Variants in PLEKHA1 observed in about 807,000 individuals in gnomAD.
The protein encoded by PLEKHA1 is pleckstrin homology domain containing A1.
In PLEKHA1, 34 loss-of-function variants were observed where a neutral mutation model predicts 52.0. The ratio of observed to expected loss-of-function variants is 0.65; its 90% confidence interval spans 0.50 to 0.87. The LOEUF (loss-of-function observed/expected upper bound fraction) is 0.87. PLEKHA1 is among the 40% of genes least tolerant of loss of function. PLEKHA1 has a pLI of 0.00. For synonymous variants in PLEKHA1, 163 were observed against 170.7 expected, an observed-to-expected ratio of 0.95 and a Z score of 0.35; for missense variants, 497 against 504.2, an observed-to-expected ratio of 0.99 and a Z score of 0.14.
At chr10:122,409,652 T>C (rs995186412) in intron 5 of PLEKHA1, among the ~76,000 whole-genome samples, 1 of 152,230 alleles carries the variant, frequency 6.6e-6, no homozygotes, top group African/African-American at 2.4e-5. Context: ...AAGTTTGATA[T>C]ATTTTTAATA....
intron 5 of PLEKHA1, chr10:122,412,191 C>A (rs1034282906): frequency 1.3e-5 from 2 of 152,124 alleles, no homozygotes; most frequent in Non-Finnish European, 2.9e-5. Flanking sequence ...TCTGCTGTTA[C>A]CACAGTCATT....
At chr10:122,403,578 T>C (rs1414541391) in intron 4 of PLEKHA1, among the ~76,000 whole-genome samples, 1 of 150,314 alleles carries the variant, frequency 6.7e-6, no homozygotes, top group Non-Finnish European at 1.5e-5. Flanking sequence ...TTAGGGTTTT[T>C]ATGGCAACTT....
At chr10:122,418,098 T>A in intron 8 of PLEKHA1, 130 bp downstream of exon 8, 1 of 593,368 alleles carries the variant, frequency 1.7e-6, no homozygotes, top group East Asian at 3.0e-5. Flanking sequence ...AAATATAGTT[T>A]ATTTGGTTGT....
intron 2 of PLEKHA1, among the ~76,000 whole-genome samples, chr10:122,394,356 A>C (rs561507940): frequency 1.3e-5 from 2 of 152,078 alleles, no homozygotes. Flanking sequence ...GATTACAGGC[A>C]TGAGCCACCG....
intron 2 of PLEKHA1, among the ~76,000 whole-genome samples, chr10:122,394,887 C>T (rs1174706887): frequency 3.9e-5 from 6 of 152,116 alleles, no homozygotes; most frequent in Non-Finnish European, 8.8e-5. Flanking sequence ...TCTTGTCATT[C>T]TTCCTTTATC....
chr10:122,418,036 ATAAT>A, intron 8 of PLEKHA1, 68 bp downstream of exon 8: 1 of 1,272,726 alleles, frequency 7.9e-7, no homozygotes, highest in Non-Finnish European at 1.1e-6. Flanking sequence ...GTGATTATAT[ATAAT>A]TTCTTGTACT....
Position 122,431,937 on chromosome 10 carries a change from A to G in PLEKHA1, c.*1999A>G, listed in dbSNP as rs1409672843. 6.6e-6 allele frequency: 1 copy of G among 152,150 alleles called. No individual in the cohort carries two copies. Among genetic ancestry groups the G allele is most frequent in the African/African-American group, 2.4e-5 (1 of 41,436 alleles). The allele number at this position is 152,150 out of a possible 1,614,324, so 9.4% of individuals were successfully genotyped here. On this transcript the variant is annotated 3_prime_UTR_variant, in exon 12 of 12. Transcript: ENST00000368990. Reference sequence around the variant, plus strand: ...GCTGTTTAATTTTGGTACAGCTTCCACATTGCATGTTCACTTTAGTATTTG... The same window carrying G: ...GCTGTTTAATTTTGGTACAGCTTCCGCATTGCATGTTCACTTTAGTATTTG...
intron 4 of PLEKHA1, among the ~76,000 whole-genome samples, chr10:122,401,761 G>GCC (rs2096932597): frequency 1.3e-5 from 2 of 152,186 alleles, no homozygotes; most frequent in African/African-American, 2.4e-5. Flanking sequence ...GTGGACATGA[G>GCC]TGACTGAAGG....
intron 7 of PLEKHA1, chr10:122,417,149 A>G (rs2097188188): frequency 6.6e-6 from 1 of 152,376 alleles, no homozygotes; most frequent in Non-Finnish European, 1.5e-5. Flanking sequence ...AAATATTTGT[A>G]CAAAATAGGT....
intron 2 of PLEKHA1, among the ~76,000 whole-genome samples, chr10:122,397,467 A>G (rs1412014607): frequency 6.6e-6 from 1 of 152,254 alleles, no homozygotes; most frequent in African/African-American, 2.4e-5. Flanking sequence ...TAAACCATTT[A>G]AATGGGGGGA....
At chr10:122,408,851 A>G (rs999667866) in intron 5 of PLEKHA1, among the ~76,000 whole-genome samples, 3 of 152,190 alleles carry the variant, frequency 2.0e-5, no homozygotes, top group Admixed American at 2.0e-4. Flanking sequence ...TAAAATGTAC[A>G]TTTTGATGTA....
intron 1 of PLEKHA1, among the ~76,000 whole-genome samples, chr10:122,377,668 T>C (rs2096556653): frequency 1.3e-5 from 2 of 152,234 alleles, no homozygotes; most frequent in South Asian, 2.1e-4. Flanking sequence ...TTATTTGTTA[T>C]AGCACTAGAA....
chr10:122,397,529 C>G (rs142262758), intron 2 of PLEKHA1, among the ~76,000 whole-genome samples: 2 of 152,076 alleles, frequency 1.3e-5, no homozygotes, highest in African/African-American at 4.8e-5. Flanking sequence ...TTTAATAGAA[C>G]AAAGTAATAT....
chr10:122,415,771 G>A (rs2097166054), intron 6 of PLEKHA1, 88 bp from the exon 7 acceptor site: 3 of 1,272,244 alleles, frequency 2.4e-6, no homozygotes, highest in South Asian at 1.6e-5. Flanking sequence ...AATCTAAGGT[G>A]GATTTTAAGA....
intron 8 of PLEKHA1, chr10:122,423,418 TC>T (rs1395052806): frequency 1.0e-5 from 1 of 99,728 alleles, no homozygotes; most frequent in Non-Finnish European, 1.9e-5. Context: ...AGAGCGAAAC[TC>T]CATCTCAAAA....
Position 122,416,634 on chromosome 10 carries a change from A to G in PLEKHA1, c.612+632A>G, listed in dbSNP as rs574443874. On this transcript the variant is annotated intron_variant, in intron 7 of 11. Coordinates refer to ENST00000368990, the MANE Select transcript of PLEKHA1 (RefSeq NM_001001974.4). Reference sequence around the variant, plus strand: ...CAGGTATTCCCATATAATCAGTTCCATGATGAATTTTTTGCAAGAGCAAGT... The same window carrying G: ...CAGGTATTCCCATATAATCAGTTCCGTGATGAATTTTTTGCAAGAGCAAGT... Among the ~76,000 whole-genome samples the G allele has an allele frequency of 6.6e-5, 10 of 152,336 alleles. No individual in the cohort carries two copies. The East Asian group carries it at 1.9e-3, about 29-fold the overall frequency.
chr10:122,441,789 A>G, the PLEKHA1 span: 3 of 152,234 alleles, frequency 2.0e-5, no homozygotes, highest in Non-Finnish European at 4.4e-5. Flanking sequence ...ACATATAAAC[A>G]CCAACTAAAC....
At chr10:122,388,832 A>G (rs949493370) in intron 1 of PLEKHA1, among the ~76,000 whole-genome samples, 79 of 151,956 alleles carry the variant, frequency 5.2e-4, no homozygotes, top group African/African-American at 1.8e-3. Flanking sequence ...TGGCATTTCA[A>G]GAAACCACTT....
chr10:122,391,681 C>T (rs1011814518), intron 1 of PLEKHA1, among the ~76,000 whole-genome samples: 1 of 151,636 alleles, frequency 6.6e-6, no homozygotes, highest in African/African-American at 2.4e-5. Context: ...ATAGCTTTTA[C>T]CTGTGGTATA....
Sources: allele counts gnomAD v4.1 joint callset (sites outside exome capture counted in the v4.1 genomes callset), GRCh38; gene constraint gnomAD v4.1.1; transcripts MANE v1.5; gene names NCBI Gene and HGNC (gene_info 2026-07-23, HGNC 2026-07-21).